RAB2A: variants seen among roughly 807,000 people sequenced by gnomAD.
RAB2A encodes ras-related protein Rab-2A.
A neutral mutation model predicts 32.5 loss-of-function variants in RAB2A; 7 were observed. The ratio of observed to expected loss-of-function variants is 0.22; its 90% CI spans 0.12 to 0.40. The LOEUF (loss-of-function observed/expected upper bound fraction) is 0.40. RAB2A is among the 10% of genes least tolerant of loss of function. RAB2A has a pLI of 1.00. For synonymous variants in RAB2A, 79 were observed against 85.2 expected, an observed-to-expected ratio of 0.93 and a Z score of 0.40; for missense variants, 108 against 260.7, an observed-to-expected ratio of 0.41 and a Z score of 4.03.
intron 6 of RAB2A, among the ~76,000 whole-genome samples, chr8:60,607,700 C>G (rs1267711610): frequency 1.3e-5 from 2 of 152,104 alleles, no homozygotes; most frequent in African/African-American, 4.8e-5. Flanking sequence ...GCATTTGTAA[C>G]CAGTCCTCAA....
intron 2 of RAB2A, among the ~76,000 whole-genome samples, chr8:60,563,030 G>T (rs1808048238): frequency 6.6e-6 from 1 of 151,684 alleles, no homozygotes; most frequent in South Asian, 2.1e-4. Flanking sequence ...AAAAATAGCA[G>T]ATTATTATCA....
chr8:60,518,691 A>ATGCG (rs948753938), intron 1 of RAB2A, among the ~76,000 whole-genome samples: 1 of 147,928 alleles, frequency 6.8e-6, no homozygotes. Context: ...AGGTTTTCTG[A>ATGCG]TGCGTGCGTG....
chr8:60,543,555 A>G (rs1206976779), intron 1 of RAB2A, among the ~76,000 whole-genome samples: 1 of 152,122 alleles, frequency 6.6e-6, no homozygotes, highest in Non-Finnish European at 1.5e-5. Flanking sequence ...TACATCTGCA[A>G]AGATCCTTTT....
At chr8:60,534,991 G>T (rs1157455014) in intron 1 of RAB2A, among the ~76,000 whole-genome samples, 1 of 151,938 alleles carries the variant, frequency 6.6e-6, no homozygotes, top group African/African-American at 2.4e-5. Flanking sequence ...ATTTGTAGGA[G>T]AAATAGAAAA....
chr8:60,557,586 G>GT (rs879308645), intron 1 of RAB2A, among the ~76,000 whole-genome samples: 7 of 152,116 alleles, frequency 4.6e-5, no homozygotes, highest in African/African-American at 2.4e-5. Context: ...TCATTTGTTT[G>GT]TTTTTTGAGA....
At chr8:60,528,644 A>G (rs1352204844) in intron 1 of RAB2A, among the ~76,000 whole-genome samples, 2 of 152,066 alleles carry the variant, frequency 1.3e-5, no homozygotes, top group African/African-American at 4.8e-5. Flanking sequence ...GTTTTATGGC[A>G]AGTTTCTTAT....
In RAB2A at chr8:60,594,798, C is replaced by T. The variant is rs1563481395; in HGVS notation, c.474+2829C>T. 2.6e-5 allele frequency among the ~76,000 whole-genome samples: 4 copies of T among 152,198 alleles called. No individual in the cohort carries two copies. In the South Asian group the frequency reaches 8.3e-4, roughly 32 times the overall value. On this transcript the variant is annotated intron_variant, in intron 6 of 7. Coordinates refer to ENST00000262646, the MANE Select transcript of RAB2A (RefSeq NM_002865.3). ...GTTTCCAGCTTCATCCATGTCTCTG[C>T]AAAGGACATGAACTCAACTTTTTTA...
rs974036906 is a variant in RAB2A, at chr8:60,622,223, G to C, written c.*1454G>C. On this transcript the variant is annotated 3_prime_UTR_variant, in exon 8 of 8. Transcript: ENST00000262646. ...TGTTTTCTCCTGAACTAGCACAAAA[G>C]CACTTATGCCTGAAAGAAAGCATAA... The C allele has an allele frequency of 6.6e-6, 1 of 152,152 alleles. No homozygotes were observed. Among genetic ancestry groups the C allele is most frequent in the African/African-American group, 2.4e-5 (1 of 41,426 alleles). The allele number at this position is 152,152 out of a possible 1,614,324, so 9.4% of individuals were successfully genotyped here. A position where few individuals can be genotyped will look rare whatever the true frequency, so the allele number is the denominator to read the frequency against.
chr8:60,586,586 A>G (rs1803852955), intron 5 of RAB2A, among the ~76,000 whole-genome samples: 1 of 152,128 alleles, frequency 6.6e-6, no homozygotes, highest in African/African-American at 2.4e-5. Context: ...CATGGATTGT[A>G]AAACTAAATA....
intron 6 of RAB2A, among the ~76,000 whole-genome samples, chr8:60,606,402 T>G (rs1804233122): frequency 6.6e-6 from 1 of 152,216 alleles, no homozygotes; most frequent in Non-Finnish European, 1.5e-5. Flanking sequence ...CCAGATGATA[T>G]TGGTACCCAG....
intron 1 of RAB2A, among the ~76,000 whole-genome samples, chr8:60,543,700 T>C (rs1306501689): frequency 2.0e-5 from 3 of 152,140 alleles, no homozygotes; most frequent in African/African-American, 7.2e-5. Context: ...TTCTCTTGGA[T>C]GCAAGGGGAT....
intron 1 of RAB2A, among the ~76,000 whole-genome samples, chr8:60,544,561 TTTTTTTTTTTTA>T (rs1314588036): frequency 5.0e-5 from 7 of 139,130 alleles, no homozygotes; most frequent in African/African-American, 2.0e-4. Flanking sequence ...CCTTTTTTTT[TTTTTTTTTTTTA>T]AAATAGAGAT....
intron 5 of RAB2A, among the ~76,000 whole-genome samples, chr8:60,590,238 G>GTA (rs1803918176): frequency 7.7e-6 from 1 of 130,150 alleles, no homozygotes; most frequent in African/African-American, 4.6e-5. Flanking sequence ...GTAATTACAG[G>GTA]TGTGAGCCAC....
intron 2 of RAB2A, among the ~76,000 whole-genome samples, chr8:60,570,412 CTGAG>C (rs955159967): frequency 1.3e-4 from 20 of 152,106 alleles, no homozygotes; most frequent in Admixed American, 2.6e-4. Flanking sequence ...CTTTTCAGTA[CTGAG>C]TATTTCAAAG....
At chr8:60,529,128 C>A (rs1807437787) in intron 1 of RAB2A, among the ~76,000 whole-genome samples, 2 of 150,920 alleles carry the variant, frequency 1.3e-5, no homozygotes, top group South Asian at 2.1e-4. Context: ...TTTAAAAAAT[C>A]TTTTCATTAT....
intron 2 of RAB2A, among the ~76,000 whole-genome samples, chr8:60,567,773 A>G (rs543276949): frequency 1.3e-5 from 2 of 151,148 alleles, no homozygotes; most frequent in African/African-American, 4.9e-5. Context: ...TTTTTTCATC[A>G]TTGTTAAATT....
intron 2 of RAB2A, among the ~76,000 whole-genome samples, chr8:60,564,487 T>C (rs1467725749): frequency 6.6e-6 from 1 of 152,236 alleles, no homozygotes; most frequent in Non-Finnish European, 1.5e-5. Flanking sequence ...ATTGTTCATA[T>C]TTTCTGTCTA....
chr8:60,572,794 A>G (rs1024386674), intron 3 of RAB2A, among the ~76,000 whole-genome samples: 89 of 152,360 alleles, frequency 5.8e-4, no homozygotes, highest in African/African-American at 2.1e-3. Context: ...GCTTTAGCTT[A>G]TATGGCTTAA....
intron 6 of RAB2A, among the ~76,000 whole-genome samples, chr8:60,599,675 A>G (rs531925410): frequency 1.3e-5 from 2 of 152,332 alleles, no homozygotes; most frequent in East Asian, 1.9e-4. Context: ...AGTTAAATGG[A>G]AGAAGATAGC....
Sources: allele counts gnomAD v4.1 joint callset (sites outside exome capture counted in the v4.1 genomes callset), GRCh38; gene constraint gnomAD v4.1.1; transcripts MANE v1.5; gene names NCBI Gene and HGNC (gene_info 2026-07-23, HGNC 2026-07-21).